Variants in NCKAP5 observed in about 807,000 individuals in gnomAD.
NCKAP5 encodes nck-associated protein 5.
NCKAP5 carries 92 observed loss-of-function variants against 167.0 expected under a neutral mutation model. The observed-to-expected ratio is 0.55, with a 90% CI of 0.47 to 0.66. NCKAP5 has a LOEUF of 0.66. Among genes scored for constraint, NCKAP5 ranks in the 30% least tolerant of loss-of-function variants. The pLI, the probability that NCKAP5 is intolerant of heterozygous loss-of-function variation, is 0.00. For synonymous variants in NCKAP5, 891 were observed against 877.4 expected, an observed-to-expected ratio of 1.02 and a Z score of -0.27; for missense variants, 2,378 against 2,315.0, an observed-to-expected ratio of 1.03 and a Z score of -0.56.
intron 6 of NCKAP5, among the ~76,000 whole-genome samples, chr2:133,023,560 G>A (rs974172173): frequency 1.2e-4 from 19 of 152,132 alleles, no homozygotes; most frequent in African/African-American, 2.2e-4. Flanking sequence ...GGTACTGAGC[G>A]TATTACCCAA....
intron 13 of NCKAP5, 40 bp downstream of exon 13, chr2:132,789,983 G>A (rs1320843092): frequency 6.4e-7 from 1 of 1,560,490 alleles, no homozygotes; most frequent in East Asian, 2.3e-5. Flanking sequence ...TACCAGAAGA[G>A]GATTCTTTTC....
chr2:132,697,606 CT>C (rs10594573), intron 19 of NCKAP5, among the ~76,000 whole-genome samples: 78,917 of 147,936 alleles, frequency 0.53, 21,019 homozygotes, highest in East Asian at 0.67. Context: ...AAGGTCCCAT[CT>C]TTTTTTTTTT....
At chr2:133,200,061 C>CTTTTTTTTTTTTTT (rs70973417) in intron 5 of NCKAP5, among the ~76,000 whole-genome samples, 55 of 109,366 alleles carry the variant, frequency 5.0e-4, no homozygotes, top group East Asian at 8.5e-4. Flanking sequence ...TTTTTTCTTT[C>CTTTTTTTTTTTTTT]TTTTTTTTTT....
At position 133,242,919 on chromosome 2, in the gene NCKAP5, T is replaced by TA. The variant is rs1263109253; in HGVS notation, c.144-29141dup. 5.3e-5 allele frequency among the ~76,000 whole-genome samples: 8 copies of TA among 152,244 alleles called. No individual in the cohort carries two copies. The East Asian group carries it at 1.5e-3, about 29-fold the overall frequency. On this transcript the variant is annotated intron_variant, in intron 4 of 19. Transcript: ENST00000409261. Reference sequence around the variant, plus strand: ...GATTAGCTCAAGCGTTAGATGACCATAAAACTGGAGTTACACAATATACCC... The same window carrying TA: ...GATTAGCTCAAGCGTTAGATGACCATAAAAACTGGAGTTACACAATATACCC...
chr2:133,575,387 A>G, the NCKAP5 span, among the ~76,000 whole-genome samples: 3 of 152,236 alleles, frequency 2.0e-5, no homozygotes, highest in Non-Finnish European at 4.4e-5. Context: ...ACAAAGGAGA[A>G]TAACCACTCA....
chr2:132,967,793 T>G (rs1174583409), intron 7 of NCKAP5, among the ~76,000 whole-genome samples: 1 of 152,148 alleles, frequency 6.6e-6, no homozygotes, highest in African/African-American at 2.4e-5. Flanking sequence ...AAATCAAATC[T>G]GTAAGTAATA....
At chr2:133,309,866 G>T (rs1341096310) in intron 3 of NCKAP5, among the ~76,000 whole-genome samples, 1 of 152,166 alleles carries the variant, frequency 6.6e-6, no homozygotes, top group Non-Finnish European at 1.5e-5. Context: ...ATCAAAGCTT[G>T]CAGAGATCCA....
At position 133,528,112 on chromosome 2, in the gene NCKAP5, C is replaced by A. The variant is rs544415514; in HGVS notation, c.-61-10525G>T. On this transcript the variant is annotated intron_variant, in intron 2 of 19. Coordinates refer to ENST00000409261, the MANE Select transcript of NCKAP5 (RefSeq NM_207363.3). ...AAAAGACAGTAAACTAGTCAATGAC[C>A]ACCCACTAAAATGGATAGCTAGAAA... 9.4e-4 allele frequency among the ~76,000 whole-genome samples: 143 copies of A among 152,066 alleles called. 1 individual carries two copies. Among genetic ancestry groups the A allele is most frequent in the African/African-American group, 3.2e-3 (134 of 41,474 alleles).
intron 3 of NCKAP5, among the ~76,000 whole-genome samples, chr2:133,308,245 C>G (rs1044314853): frequency 6.6e-6 from 1 of 151,626 alleles, no homozygotes. Flanking sequence ...CCCGCCACCA[C>G]GCCCGGCTAA....
intron 5 of NCKAP5, among the ~76,000 whole-genome samples, chr2:133,183,827 G>T (rs1036662017): frequency 6.6e-6 from 1 of 151,874 alleles, no homozygotes; most frequent in Non-Finnish European, 1.5e-5. Context: ...AAATCCCAAG[G>T]AATCTACAAA....
rs1559506958 is a variant in NCKAP5, at chr2:133,468,972, A to ATCCAATTTGCCC, written c.69+48485_69+48486insGGGCAAATTGGA. Among the ~76,000 whole-genome samples, 7 of 151,926 alleles carry ATCCAATTTGCCC rather than the reference A, an allele frequency of 4.6e-5. No homozygotes were observed. In the East Asian group the frequency reaches 5.8e-4, roughly 13 times the overall value. On this transcript the variant is annotated intron_variant, in intron 3 of 19. Transcript: ENST00000409261. The stretch of plus-strand genomic sequence containing the variant: ...GTCTTGACTCTTGATCCAATTTGCC[A>ATCCAATTTGCCC]GTCTGTGTCTTTTAATTGGAGCATT...
chr2:133,665,551 A>G, the NCKAP5 span, among the ~76,000 whole-genome samples: 1 of 152,220 alleles, frequency 6.6e-6, no homozygotes, highest in Admixed American at 6.5e-5. Context: ...CAGATCACAG[A>G]TCACCAAAGC....
intron 8 of NCKAP5, among the ~76,000 whole-genome samples, chr2:132,895,837 A>AC (rs1225143793): frequency 1.3e-5 from 2 of 151,582 alleles, no homozygotes; most frequent in African/African-American, 4.8e-5. Flanking sequence ...AAAAAAACAA[A>AC]AAAAAAAACA....
intron 7 of NCKAP5, among the ~76,000 whole-genome samples, chr2:132,991,905 A>G (rs2077459716): frequency 6.6e-6 from 1 of 152,182 alleles, no homozygotes; most frequent in Non-Finnish European, 1.5e-5. Flanking sequence ...ATCATGCATA[A>G]ACTATTTTGC....
chr2:133,356,311 C>G (rs1480264390), intron 3 of NCKAP5, among the ~76,000 whole-genome samples: 1 of 152,200 alleles, frequency 6.6e-6, no homozygotes, highest in East Asian at 1.9e-4. Context: ...TGTGCAACAA[C>G]TCTTCAGAAA....
chr2:132,685,881 G>T (rs1227868927), intron 19 of NCKAP5, among the ~76,000 whole-genome samples: 3 of 152,124 alleles, frequency 2.0e-5, no homozygotes, highest in African/African-American at 7.2e-5. Context: ...CCAATCTATG[G>T]ACAGCTGAAG....
Position 132,907,787 on chromosome 2 carries a change from A to T in NCKAP5, c.580-28871T>A, listed in dbSNP as rs113604247. On this transcript the variant is annotated intron_variant, in intron 8 of 19. Transcript: ENST00000409261. ...ATTCTCCTGCCTCAGCCTCCCGAGTAGCTGGGACTACAGGCGCCCACCACC... is the reference window on the plus strand; with the variant it reads ...ATTCTCCTGCCTCAGCCTCCCGAGTTGCTGGGACTACAGGCGCCCACCACC... Among the ~76,000 whole-genome samples, 534 of 151,872 alleles carry T rather than the reference A, an allele frequency of 3.5e-3. 3 individuals carry two copies. The highest frequency in any genetic ancestry group is 0.012 in the African/African-American group (507 of 41,410).
At chr2:133,240,706 T>C (rs114354961) in intron 4 of NCKAP5, among the ~76,000 whole-genome samples, 80 of 152,326 alleles carry the variant, frequency 5.3e-4, no homozygotes, top group Admixed American at 1.5e-3. Context: ...AAACCCTTCC[T>C]GCATGCCTCC....
chr2:132,974,770 T>C (rs1455587405), intron 7 of NCKAP5, among the ~76,000 whole-genome samples: 2 of 152,254 alleles, frequency 1.3e-5, no homozygotes, highest in African/African-American at 4.8e-5. Context: ...AGTTGGTGTT[T>C]GTATCAGAAA....
Sources: allele counts gnomAD v4.1 joint callset (sites outside exome capture counted in the v4.1 genomes callset), GRCh38; gene constraint gnomAD v4.1.1; transcripts MANE v1.5; gene names NCBI Gene and HGNC (gene_info 2026-07-23, HGNC 2026-07-21).